The following SLC29A3 variants were observed in gnomAD, a reference collection of about 807,000 sequenced individuals.
SLC29A3 encodes equilibrative nucleoside transporter 3.
A neutral mutation model predicts 25.4 loss-of-function variants in SLC29A3; 18 were observed. That is an observed-to-expected ratio of 0.71 (90% CI 0.49 to 1.05). The LOEUF is 1.05. SLC29A3 is among the 50% of genes least tolerant of loss of function. The pLI is 0.00. For synonymous variants in SLC29A3, 258 were observed against 267.1 expected (o/e 0.97, Z 0.33); for missense variants, 586 against 609.0 (o/e 0.96, Z 0.40).
intron 2 of SLC29A3, among the ~76,000 whole-genome samples, chr10:71,326,491 G>A (rs1036729300): frequency 1.3e-5 from 2 of 152,156 alleles, no homozygotes; most frequent in Admixed American, 6.5e-5. Context: ...TGACTCCAAC[G>A]TCCCAGCTTT....
downstream of SLC29A3, among the ~76,000 whole-genome samples, chr10:71,367,940 C>T (rs1192843494): frequency 9.2e-5 from 14 of 152,238 alleles, no homozygotes; most frequent in South Asian, 2.3e-3. Flanking sequence ...TAAAATAAGC[C>T]GGCCAGGCAT....
chr10:71,365,021 G>A (rs1178378956), downstream of SLC29A3: 1 of 152,238 alleles, frequency 6.6e-6, no homozygotes, highest in Non-Finnish European at 1.5e-5. Context: ...CTGAGGTCAG[G>A]AGTTCGAGAC....
intron 4 of SLC29A3, among the ~76,000 whole-genome samples, chr10:71,355,389 C>G (rs1221080071): frequency 6.6e-6 from 1 of 152,216 alleles, no homozygotes; most frequent in Non-Finnish European, 1.5e-5. Flanking sequence ...GCAAGGAGAA[C>G]ATTCCATGTG....
At chr10:71,377,472 T>C (rs7924256) in intron 4 of SLC29A3, among the ~76,000 whole-genome samples, 18,293 of 152,002 alleles carry the variant, frequency 0.12, 1,944 homozygotes, top group African/African-American at 0.29. Context: ...GGCCACGAAA[T>C]AGATGGCCGC....
Position 71,372,690 on chromosome 10 carries a change from C to T in SLC29A3, c.*95-3005C>T, listed in dbSNP as rs913671806. Among the ~76,000 whole-genome samples the T allele has an allele frequency of 8.5e-5, 13 of 152,248 alleles. No homozygotes were observed. The East Asian group carries it at 1.4e-3, about 16-fold the overall frequency. On this transcript the variant is annotated intron_variant and NMD_transcript_variant, in intron 3 of 4. Transcript: ENST00000642772. ...CTGTTCCAGTTGAGGCCTCAGGAAC[C>T]GGAAAGTCTTTAATGAAGCTAATGC...
chr10:71,364,852 GTTTTTTCA>G (rs1193900143), downstream of SLC29A3: 1 of 152,204 alleles, frequency 6.6e-6, no homozygotes. Context: ...CTCCCCCTTG[GTTTTTTCA>G]TTGACTTTAG....
At chr10:71,342,141 C>A (rs1301384066) in intron 2 of SLC29A3, among the ~76,000 whole-genome samples, 2 of 152,162 alleles carry the variant, frequency 1.3e-5, no homozygotes, top group African/African-American at 4.8e-5. Context: ...TCACGGGCCA[C>A]CTTAGAGTCT....
intron 4 of SLC29A3, among the ~76,000 whole-genome samples, chr10:71,378,100 G>A (rs954771689): frequency 7.2e-6 from 1 of 138,664 alleles, no homozygotes; most frequent in African/African-American, 2.7e-5. Context: ...AATGTTGGGG[G>A]GGGGGGTCCT....
At chr10:71,361,886 C>G in intron 5 of SLC29A3, 68 bp from the exon 6 acceptor site, 1 of 1,593,544 alleles carries the variant, frequency 6.3e-7, no homozygotes, top group Non-Finnish European at 8.6e-7. Flanking sequence ...TCTGAGTGCC[C>G]ACCCCTGGCT....
At chr10:71,367,609 G>A (rs1254834003), downstream of SLC29A3, among the ~76,000 whole-genome samples, 1 of 152,182 alleles carries the variant, frequency 6.6e-6, no homozygotes, top group Non-Finnish European at 1.5e-5. Context: ...TGCCACTCAG[G>A]AAGTCCAGGG....
intron 3 of SLC29A3, among the ~76,000 whole-genome samples, chr10:71,372,966 C>A (rs1028559335): frequency 1.1e-4 from 17 of 152,186 alleles, no homozygotes; most frequent in Admixed American, 2.0e-4. Context: ...GGCATGCGTG[C>A]GATGACAGGC....
rs570147146 is a variant in SLC29A3 at position 71,339,786 on chromosome 10, C to A, written c.301-4423C>A. Among the ~76,000 whole-genome samples the A allele has an allele frequency of 2.6e-5, 4 of 152,296 alleles. No individual in the cohort carries two copies. The South Asian group carries it at 8.3e-4, about 32-fold the overall frequency. ...ACCCATACCTGCCATATCTGTCTGACATGCTTCCCCCAATCTTTCCAGCTG... is the reference window on the plus strand; with the variant it reads ...ACCCATACCTGCCATATCTGTCTGAAATGCTTCCCCCAATCTTTCCAGCTG... On this transcript the variant is annotated intron_variant, in intron 2 of 5. Coordinates refer to ENST00000373189, the MANE Select transcript of SLC29A3 (RefSeq NM_018344.6).
chr10:71,356,951 G>T (rs1589241127), intron 5 of SLC29A3, among the ~76,000 whole-genome samples: 7 of 152,176 alleles, frequency 4.6e-5, no homozygotes, highest in Admixed American at 4.6e-4. Flanking sequence ...AGATTAAATT[G>T]CTGTTGTTTT....
In SLC29A3 at chr10:71,324,808, G is replaced by T. The variant is rs796575611; in HGVS notation, c.300+1754G>T. 2.0e-5 allele frequency among the ~76,000 whole-genome samples: 3 copies of T among 152,052 alleles called. No homozygotes were observed. In the East Asian group the frequency reaches 5.8e-4, roughly 29 times the overall value. On this transcript the variant is annotated intron_variant, in intron 2 of 5. Coordinates refer to ENST00000373189, the MANE Select transcript of SLC29A3 (RefSeq NM_018344.6). The stretch of plus-strand genomic sequence containing the variant: ...GGAACTTGATCAGATCTCAAAGGTG[G>T]GGGGATGCTGGCTAATCTGACTTTG...
At chr10:71,356,371 A>G in intron 5 of SLC29A3, 128 bp downstream of exon 5, 1 of 1,207,158 alleles carries the variant, frequency 8.3e-7, no homozygotes, top group South Asian at 1.5e-5. Context: ...TTGTTCAACA[A>G]ATAGGCTTGG....
chr10:71,330,048 G>A (rs1160167612), intron 2 of SLC29A3, among the ~76,000 whole-genome samples: 3 of 152,226 alleles, frequency 2.0e-5, no homozygotes, highest in African/African-American at 4.8e-5. Flanking sequence ...TTCGGTGCTT[G>A]TCTAACGGAA....
intron 3 of SLC29A3, among the ~76,000 whole-genome samples, chr10:71,371,461 T>C (rs1847210445): frequency 6.6e-6 from 1 of 152,136 alleles, no homozygotes; most frequent in Non-Finnish European, 1.5e-5. Context: ...TATGCAGAAG[T>C]TTCTGTGCTT....
At chr10:71,374,024 G>A (rs1014511812) in intron 3 of SLC29A3, among the ~76,000 whole-genome samples, 4 of 152,210 alleles carry the variant, frequency 2.6e-5, no homozygotes, top group Middle Eastern at 3.2e-3. Context: ...AGGTATATAT[G>A]TGTCAAGGTA....
chr10:71,346,419 C>T (rs945125772), intron 3 of SLC29A3, among the ~76,000 whole-genome samples: 1 of 152,134 alleles, frequency 6.6e-6, no homozygotes, highest in African/African-American at 2.4e-5. Context: ...TGGAGCCAGG[C>T]GGAGTGCAGT....
Sources: gnomAD v4.1 joint callset for allele counts (sites outside exome capture counted in the v4.1 genomes callset) on GRCh38, gnomAD v4.1.1 for gene constraint, MANE v1.5 for transcripts, NCBI Gene and HGNC (gene_info 2026-07-23, HGNC 2026-07-21) for gene names.